Variants in ZNF385D observed in about 807,000 individuals in gnomAD.
The protein encoded by ZNF385D is zinc finger protein 659.
Under a neutral mutation model 35.8 loss-of-function variants are expected in ZNF385D, and 15 were observed. That is an observed-to-expected ratio of 0.42 (90% CI 0.28 to 0.64). The LOEUF (loss-of-function observed/expected upper bound fraction) is 0.64. Among genes scored for constraint, ZNF385D ranks in the 30% least tolerant of loss-of-function variants. ZNF385D has a pLI of 0.23. For missense variants in ZNF385D, 474 were observed against 494.6 expected, an observed-to-expected ratio of 0.96 and a Z score of 0.39; for synonymous variants, 212 against 186.8, an observed-to-expected ratio of 1.13 and a Z score of -1.10.
rs186830098 is a variant in ZNF385D at position 22,214,784 on chromosome 3, T to A, written c.107-45749A>T. Among the ~76,000 whole-genome samples, 1,238 of 152,172 alleles carry A rather than the reference T, an allele frequency of 8.1e-3. 9 individuals carry two copies. Among genetic ancestry groups the A allele is most frequent in the Non-Finnish European group, 0.013 (912 of 67,972 alleles). ...CCTGATAAGATGTTATCAATGACAA[T>A]GCATGCCCAAAACTTCATTAGCAAT... On this transcript the variant is annotated intron_variant, in intron 2 of 5. Coordinates refer to the ZNF385D transcript ENST00000494108.
intron 3 of ZNF385D, among the ~76,000 whole-genome samples, chr3:22,112,169 G>A (rs537258478): frequency 3.9e-5 from 6 of 152,234 alleles, no homozygotes; most frequent in African/African-American, 1.4e-4. Context: ...GAACTGTTAA[G>A]ACTATTGTTT....
In ZNF385D at chr3:22,287,148, C is replaced by T. The variant is rs372146479; in HGVS notation, c.106+85302G>A. Among the ~76,000 whole-genome samples, 328 of 151,906 alleles carry T rather than the reference C, an allele frequency of 2.2e-3. 3 individuals are homozygous for T. Among genetic ancestry groups the T allele is most frequent in the African/African-American group, 6.9e-3 (286 of 41,484 alleles). On this transcript the variant is annotated intron_variant, in intron 2 of 5. Transcript: ENST00000494108. ...TAATGGCCTTCTTTTTCTTTTGTGA[C>T]AGTTTTTTTACTTAAAGCTTACGTT...
chr3:21,745,607 G>A (rs2069731258), intron 1 of ZNF385D, among the ~76,000 whole-genome samples: 1 of 152,190 alleles, frequency 6.6e-6, no homozygotes, highest in Non-Finnish European at 1.5e-5. Context: ...CACCAATCAT[G>A]TGTGAAATTC....
At chr3:21,716,110 C>T (rs2068308617) in intron 1 of ZNF385D, among the ~76,000 whole-genome samples, 1 of 152,128 alleles carries the variant, frequency 6.6e-6, no homozygotes, top group Non-Finnish European at 1.5e-5. Context: ...CACTCTACTT[C>T]CCAAAGTACA....
At chr3:21,915,416 C>T (rs1294356993) in intron 3 of ZNF385D, among the ~76,000 whole-genome samples, 1 of 152,054 alleles carries the variant, frequency 6.6e-6, no homozygotes, top group Non-Finnish European at 1.5e-5. Context: ...CATTGTGTTA[C>T]TTTGGAAGTA....
At chr3:22,346,914 G>T (rs1695683583) in intron 2 of ZNF385D, among the ~76,000 whole-genome samples, 1 of 152,122 alleles carries the variant, frequency 6.6e-6, no homozygotes, top group South Asian at 2.1e-4. Context: ...TTCTGTTCCG[G>T]TTTATGATCA....
chr3:21,663,954 G>C (rs2125258026), intron 2 of ZNF385D, among the ~76,000 whole-genome samples: 1 of 116,406 alleles, frequency 8.6e-6, no homozygotes, highest in Admixed American at 1.0e-4. Context: ...ACAAGATATT[G>C]CAACAAGAAA....
chr3:22,101,901 T>C (rs1368856956), intron 3 of ZNF385D, among the ~76,000 whole-genome samples: 1 of 151,634 alleles, frequency 6.6e-6, no homozygotes, highest in East Asian at 1.9e-4. Context: ...GGAGGCAAAG[T>C]GATTTACTCA....
intron 3 of ZNF385D, among the ~76,000 whole-genome samples, chr3:22,110,544 AAC>A (rs1702464861): frequency 6.6e-6 from 1 of 152,038 alleles, no homozygotes; most frequent in Non-Finnish European, 1.5e-5. Context: ...AAGGACAAAA[AAC>A]CAAACACCGC....
rs145116286 is a variant in ZNF385D at position 22,158,112 on chromosome 3, T to C, written c.325+10705A>G. On this transcript the variant is annotated intron_variant, in intron 3 of 5. Transcript: ENST00000494108. ...TGTCTGTTCCCTCTATCCTCTCCTATCCTTGATCTCATCAGGACATTCACT... is the reference window on the plus strand; with the variant it reads ...TGTCTGTTCCCTCTATCCTCTCCTACCCTTGATCTCATCAGGACATTCACT... Among the ~76,000 whole-genome samples, 8 of 152,232 alleles carry C rather than the reference T, an allele frequency of 5.3e-5. No individual in the cohort carries two copies. The East Asian group carries it at 1.4e-3, about 26-fold the overall frequency.
rs761310104 is a variant in ZNF385D at position 22,091,421 on chromosome 3, T to C, written c.325+77396A>G. Among the ~76,000 whole-genome samples the C allele has an allele frequency of 2.6e-5, 4 of 152,134 alleles. No homozygotes were observed. In the East Asian group the frequency reaches 5.8e-4, roughly 22 times the overall value. ...CTCTGGGGTAACAGAAATCAAAAGA[T>C]AGCACATAATCATCAAGAACAAAGT... On this transcript the variant is annotated intron_variant, in intron 3 of 5. Coordinates refer to the ZNF385D transcript ENST00000494108.
chr3:21,546,005 C>T (rs573082747), intron 3 of ZNF385D, among the ~76,000 whole-genome samples: 4 of 152,106 alleles, frequency 2.6e-5, no homozygotes, highest in Non-Finnish European at 4.4e-5. Context: ...ATTATTCTTG[C>T]TGTACTTTAT....
intron 2 of ZNF385D, among the ~76,000 whole-genome samples, chr3:21,571,272 A>G (rs577177546): frequency 5.3e-5 from 8 of 152,232 alleles, no homozygotes; most frequent in East Asian, 1.9e-4. Flanking sequence ...TTCATTCAAC[A>G]TTGTGTTTGT....
rs191697213 is a variant in ZNF385D at position 21,875,536 on chromosome 3, C to G, written c.326-210508G>C. ...AAGCTTCTCTTTACCTGCTAATCCC[C>G]CATGTCTTTCAAAAAGTCACTCTAC... On this transcript the variant is annotated intron_variant, in intron 3 of 5. Coordinates refer to the ZNF385D transcript ENST00000494108. 4.6e-5 allele frequency among the ~76,000 whole-genome samples: 7 copies of G among 152,170 alleles called. No homozygotes were observed. In the East Asian group the frequency reaches 1.4e-3, roughly 30 times the overall value.
At chr3:22,366,735 A>T (rs1696674421) in intron 2 of ZNF385D, among the ~76,000 whole-genome samples, 1 of 152,208 alleles carries the variant, frequency 6.6e-6, no homozygotes, top group East Asian at 1.9e-4. Flanking sequence ...ATTTGGAAAA[A>T]GGGTTTTTCA....
chr3:21,487,643 T>C (rs1270747519), intron 4 of ZNF385D, among the ~76,000 whole-genome samples: 1 of 152,046 alleles, frequency 6.6e-6, no homozygotes, highest in Non-Finnish European at 1.5e-5. Flanking sequence ...GAAAATATAA[T>C]ACACATAGCT....
intron 3 of ZNF385D, among the ~76,000 whole-genome samples, chr3:21,854,815 TA>T (rs1380599586): frequency 6.6e-6 from 1 of 152,026 alleles, no homozygotes; most frequent in Non-Finnish European, 1.5e-5. Flanking sequence ...TTGAATGAAC[TA>T]AATAATAACT....
At chr3:22,299,397 G>T (rs966009473) in intron 2 of ZNF385D, among the ~76,000 whole-genome samples, 1 of 151,632 alleles carries the variant, frequency 6.6e-6, no homozygotes, top group African/African-American at 2.4e-5. Flanking sequence ...CCTACCAAAA[G>T]AAAGATTATA....
chr3:21,506,851 G>C (rs529030609), intron 4 of ZNF385D, among the ~76,000 whole-genome samples: 8 of 152,082 alleles, frequency 5.3e-5, no homozygotes, highest in Admixed American at 2.0e-4. Context: ...TTAACGTTAG[G>C]AAGTGTGTTT....
Sources: allele counts gnomAD v4.1 joint callset (sites outside exome capture counted in the v4.1 genomes callset), GRCh38; gene constraint gnomAD v4.1.1; transcripts MANE v1.5; gene names NCBI Gene and HGNC (gene_info 2026-07-23, HGNC 2026-07-21).